The following TCN2 variants were observed in gnomAD, a reference collection of about 807,000 sequenced individuals.
The protein encoded by TCN2 is transcobalamin-2.
In TCN2, 34 loss-of-function variants were observed where a neutral mutation model predicts 48.6. The ratio of observed to expected loss-of-function variants is 0.70; its 90% CI spans 0.53 to 0.93. The LOEUF is 0.93. Among genes scored for constraint, TCN2 ranks in the 40% least tolerant of loss-of-function variants. The pLI, the probability that TCN2 is intolerant of heterozygous loss-of-function variation, is 0.00. For missense variants in TCN2, 652 were observed against 526.1 expected (o/e 1.24, Z -2.34); for synonymous variants, 283 against 212.5 (o/e 1.33, Z -2.89).
At chr22:30,608,697 C>G (rs1482315653) in intron 1 of TCN2, among the ~76,000 whole-genome samples, 2 of 152,014 alleles carry the variant, frequency 1.3e-5, no homozygotes, top group Non-Finnish European at 2.9e-5. Context: ...GCCAGAACTC[C>G]AAGCCTCTCA....
intron 6 of TCN2, 34 bp downstream of exon 6, chr22:30,615,821 A>G (rs1158392685): frequency 6.2e-7 from 1 of 1,613,066 alleles, no homozygotes; most frequent in South Asian, 1.1e-5. Context: ...ACAGCCCTTT[A>G]CAATCTGCTG....
intron 6 of TCN2, 90 bp downstream of exon 6, chr22:30,615,877 T>A: frequency 6.5e-7 from 1 of 1,537,488 alleles, no homozygotes; most frequent in Non-Finnish European, 9.0e-7. Context: ...TCATCCTGAT[T>A]TGCTGAGTCA....
intron 3 of TCN2, 72 bp from the exon 4 acceptor site, chr22:30,614,277 G>A: frequency 1.9e-6 from 3 of 1,588,382 alleles, no homozygotes; most frequent in Non-Finnish European, 2.6e-6. Flanking sequence ...GCAGGCCAGG[G>A]TCCCAGGTGC....
chr22:30,622,999 T>C lies in TCN2; in HGVS notation c.1138T>C (p.Tyr380His), dbSNP rs2087720717. The C allele has an allele frequency of 1.2e-6, 2 of 1,614,094 alleles. No homozygotes were observed. Among genetic ancestry groups the C allele is most frequent in the Non-Finnish European group, 1.7e-6 (2 of 1,180,014 alleles). ...AACACAGGCCTCCTTGTCAGGCCCC[T>C]ACTTAACCTCCGTGATGGGGAAAGC... is the stretch of plus-strand genomic sequence containing the variant. ...YETQASLSGP[Y>H]LTSVMGKAAG... The change falls in exon 8 of 9, where the codon TAC (tyrosine) becomes CAC (histidine). Residue 380 changes from tyrosine to histidine, a missense_variant. Transcript: ENST00000215838.
intron 7 of TCN2, among the ~76,000 whole-genome samples, chr22:30,622,678 CAG>C (rs1002834663): frequency 6.6e-5 from 10 of 152,214 alleles, no homozygotes; most frequent in African/African-American, 1.4e-4. Context: ...ATCAGCCCCC[CAG>C]AGAGGGGACA....
chr22:30,625,960 G>A lies in TCN2; in HGVS notation c.1223-500G>A, dbSNP rs573370874. ...TTCTGACACCTGGCTATCTCAAAGG[G>A]CCCTTTCAGTTCCCCTGCAGGCTGC... On this transcript the variant is annotated intron_variant, in intron 8 of 8. Transcript: ENST00000215838. Among the ~76,000 whole-genome samples, 68 of 152,104 alleles carry A rather than the reference G, an allele frequency of 4.5e-4. 1 individual carries two copies. The highest frequency in any genetic ancestry group is 2.0e-3 in the Admixed American group (30 of 15,262).
At position 30,615,364 on chromosome 22, in the gene TCN2, G is replaced by A. The variant is rs760721315; in HGVS notation, c.644G>A (p.Arg215Gln). ...AAGCGCTCAAACTTCAACCCTGGTC[G>A]GAGACAACGGATCACCATGGCCATC... ...CLKRSNFNPGRRQRITMAIRT... is the reference protein window; with the variant it reads ...CLKRSNFNPGQRQRITMAIRT... The change falls in exon 5 of 9, where the codon CGG becomes CAG. Residue 215 changes from arginine (R) to glutamine (Q), a missense_variant. Transcript: ENST00000215838. The A allele has an allele frequency of 4.4e-5, 71 of 1,614,036 alleles. No individual in the cohort carries two copies. The highest frequency in any genetic ancestry group is 9.9e-5 in the South Asian group (9 of 91,090).
intron 1 of TCN2, among the ~76,000 whole-genome samples, chr22:30,608,463 C>T (rs997228042): frequency 1.5e-4 from 23 of 152,182 alleles, no homozygotes; most frequent in Admixed American, 1.3e-3. Context: ...TCTTGGCTCA[C>T]TGCAGCCTCT....
intron 6 of TCN2, among the ~76,000 whole-genome samples, chr22:30,616,965 G>A (rs1472466175): frequency 2.0e-5 from 3 of 151,190 alleles, no homozygotes; most frequent in South Asian, 4.2e-4. Flanking sequence ...GAAGGTGAGC[G>A]CATCAGGGTA....
rs552440554 is a variant in TCN2, at chr22:30,626,442, C to G, written c.1223-18C>G. 11 of 1,613,972 alleles carry G rather than the reference C, an allele frequency of 6.8e-6. No individual in the cohort carries two copies. The highest frequency in any genetic ancestry group is 9.3e-6 in the Non-Finnish European group (11 of 1,180,004). ...ATTCTGCCCAATTCGCCCCTCCTTGCTCAATCTGTTTCTGCAGGTATTGCT... is the reference window on the plus strand; with the variant it reads ...ATTCTGCCCAATTCGCCCCTCCTTGGTCAATCTGTTTCTGCAGGTATTGCT... On this transcript the variant is annotated intron_variant, in intron 8 of 8. Coordinates refer to ENST00000215838, the MANE Select transcript of TCN2 (RefSeq NM_000355.4).
chr22:30,615,319 GC>G lies in TCN2; in HGVS notation c.600del (p.Leu201TrpfsTer6). On this transcript the variant is annotated frameshift_variant, in exon 5 of 9. Transcript: ENST00000215838. LOFTEE classifies it high-confidence loss of function. ...HHSVDTAAMA[G>X]LAFTCLKRSN... ...CTTCAAGACACAGCAGCCATGGCAG[GC>G]TTGGCATTCACCTGTCTGAAGCGCT... 6.2e-7 allele frequency: 1 copy of G among 1,614,204 alleles called. No individual in the cohort carries two copies. The highest frequency in any genetic ancestry group is 8.5e-7 in the Non-Finnish European group (1 of 1,180,044).
chr22:30,614,309 G>T (rs766248769), intron 3 of TCN2, 40 bp from the exon 4 acceptor site: 3 of 1,604,564 alleles, frequency 1.9e-6, no homozygotes, highest in South Asian at 2.2e-5. Flanking sequence ...GCTGCTGGGT[G>T]GGGGCAGAGA....
rs1287783865 is a variant in TCN2, at chr22:30,627,241, C to T, written c.*720C>T. The stretch of plus-strand genomic sequence containing the variant: ...CTGAGCACCCACTACTATGACTGAG[C>T]ACTCACTCGCTAGATACTATCTTGA... On this transcript the variant is annotated 3_prime_UTR_variant, in exon 9 of 9. Coordinates refer to ENST00000215838, the MANE Select transcript of TCN2 (RefSeq NM_000355.4). 1 of 156,866 alleles carries T rather than the reference C, an allele frequency of 6.4e-6. No individual in the cohort carries two copies. Among genetic ancestry groups the T allele is most frequent in the African/African-American group, 2.4e-5 (1 of 41,496 alleles). The allele number at this position is 156,866 out of a possible 1,614,324, so 9.7% of individuals were successfully genotyped here.
At chr22:30,623,247 G>A in intron 8 of TCN2, 164 bp downstream of exon 8, 38 of 545,418 alleles carry the variant, frequency 7.0e-5, no homozygotes, top group South Asian at 2.3e-4. Context: ...TGAAGCCTTA[G>A]AATTTTTATG....
At position 30,620,993 on chromosome 22, in the gene TCN2, GGTT is replaced by G. The variant is rs1018211375; in HGVS notation, c.1107-1962_1107-1960del. ...CTAAAGTCACCCCAAATAGGGTGGT[GGTT>G]GTTGTTGTTGTTTTGAGACGGAGTT... is the stretch of plus-strand genomic sequence containing the variant. On this transcript the variant is annotated intron_variant, in intron 7 of 8. Transcript: ENST00000215838. Among the ~76,000 whole-genome samples, 9 of 152,192 alleles carry G rather than the reference GGTT, an allele frequency of 5.9e-5. No homozygotes were observed. In the South Asian group the frequency reaches 6.2e-4, roughly 11 times the overall value.
Position 30,612,875 on chromosome 22 carries a change from C to T in TCN2, c.260C>T (p.Ser87Phe). Residue 87 changes from serine (S) to phenylalanine (F), a missense_variant and splice_region_variant, in exon 3 of 9, where the codon TCT (serine) becomes TTT (phenylalanine). By Grantham distance (155) the Ser-to-Phe change is radical (BLOSUM62 -2). Coordinates refer to ENST00000215838, the MANE Select transcript of TCN2 (RefSeq NM_000355.4). ...GGCATTAACTGGCCTTGTCCTAGGT[C>T]TGCCTTCAGCGAGGATGACGGTGAC... is the stretch of plus-strand genomic sequence containing the variant. ...KLGYQQCLLG[S>F]AFSEDDGDCQ... The T allele has an allele frequency of 6.2e-7, 1 of 1,613,492 alleles. No individual in the cohort carries two copies. The highest frequency in any genetic ancestry group is 8.5e-7 in the Non-Finnish European group (1 of 1,180,012).
chr22:30,626,018 C>G (rs2087803396), intron 8 of TCN2, among the ~76,000 whole-genome samples: 1 of 152,042 alleles, frequency 6.6e-6, no homozygotes, highest in Non-Finnish European at 1.5e-5. Context: ...CAGCGACACT[C>G]ACTCAGAGGT....
At chr22:30,612,230 G>C (rs1480475716) in intron 2 of TCN2, among the ~76,000 whole-genome samples, 3 of 148,148 alleles carry the variant, frequency 2.0e-5, no homozygotes, top group Non-Finnish European at 3.0e-5. Context: ...GGGAGACAGA[G>C]AGACCCTATC....
At position 30,607,233 on chromosome 22, in the gene TCN2, C is replaced by G; in HGVS notation, c.-99C>G. The G allele has an allele frequency of 7.7e-7, 1 of 1,305,006 alleles. No homozygotes were observed. The highest frequency in any genetic ancestry group is 1.1e-6 in the Non-Finnish European group (1 of 900,812). The allele number at this position is 1,305,006 out of a possible 1,614,324, so 80.8% of individuals were successfully genotyped here. On this transcript the variant is annotated 5_prime_UTR_variant, in exon 1 of 9. Coordinates refer to ENST00000215838, the MANE Select transcript of TCN2 (RefSeq NM_000355.4). ...TAATCAGTGACAGGAAGCTGCGTCT[C>G]TCGGAGCGGTGACCAGCTGTGGTCA...
Sources: gnomAD v4.1 joint callset for allele counts (sites outside exome capture counted in the v4.1 genomes callset) on GRCh38, gnomAD v4.1.1 for gene constraint, MANE v1.5 for transcripts, NCBI Gene and HGNC (gene_info 2026-07-23, HGNC 2026-07-21) for gene names.